The following CERS1 variants were observed in gnomAD, a reference collection of about 807,000 sequenced individuals.
CERS1 encodes the protein ceramide synthase 1.
Under a neutral mutation model 35.7 loss-of-function variants are expected in CERS1, and 16 were observed. The observed-to-expected ratio is 0.45, with a 90% confidence interval of 0.30 to 0.68. The LOEUF is 0.68. Ranked by LOEUF, CERS1 falls within the 30% of genes least tolerant of loss-of-function variation. The probability of loss-of-function intolerance (pLI) is 0.08; values close to 1 mark genes in which losing one functional copy is unlikely to be tolerated. For synonymous variants in CERS1, 243 were observed against 201.6 expected, an observed-to-expected ratio of 1.21 and a Z score of -1.74; for missense variants, 454 against 453.9, an observed-to-expected ratio of 1.00 and a Z score of 0.00.
Position 18,878,425 on chromosome 19 carries a change from A to G in CERS1, c.1010+505T>C. 3.0e-6 allele frequency: 3 copies of G among 989,718 alleles called. No homozygotes were observed. Among genetic ancestry groups the G allele is most frequent in the Non-Finnish European group, 3.6e-6 (3 of 832,426 alleles). The allele number at this position is 989,718 out of a possible 1,614,324, so 61.3% of individuals were successfully genotyped here. The stretch of plus-strand genomic sequence containing the variant: ...GGACTGAGTCTGAGCTCCCAGCCCC[A>G]GCTCCTGTTTGGCCGGGCAGTGGGC... On this transcript the variant is annotated intron_variant, in intron 6 of 7. Transcript: ENST00000623882. The surrounding 1 kb of genome is among the most constrained non-coding windows in gnomAD (Gnocchi z 4.6).
chr19:18,875,900 G>A (rs1000815859), intron 6 of CERS1, among the ~76,000 whole-genome samples: 5 of 152,190 alleles, frequency 3.3e-5, no homozygotes, highest in Admixed American at 6.5e-5. Context: ...GGGGATCCTC[G>A]CTTAGAGTTC....
chr19:18,871,203 G>A (rs554277028), intron 6 of CERS1, among the ~76,000 whole-genome samples: 1 of 150,630 alleles, frequency 6.6e-6, no homozygotes, highest in African/African-American at 2.4e-5. Context: ...GATTACAGGG[G>A]CACGCCACCA....
chr19:18,879,244 G>T lies in CERS1; in HGVS notation c.897C>A (p.Phe299Leu). ...AGGAGAGCCGGGGCCGACTCACCAG[G>T]AACCAGTAGAGGTTCATAAGGGTGA... ...LLLTLMNLYWFLYIVAFAAKV... is the reference protein window; with the variant it reads ...LLLTLMNLYWLLYIVAFAAKV... Residue 299 changes from phenylalanine (F) to leucine (L), a missense_variant, in exon 5 of 8, where the codon TTC becomes TTA. Physicochemically the swap from Phe to Leu is conservative, Grantham distance 22. Transcript: ENST00000623882. The T allele has an allele frequency of 6.2e-7, 1 of 1,613,656 alleles. No individual in the cohort carries two copies. The highest frequency in any genetic ancestry group is 8.5e-7 in the Non-Finnish European group (1 of 1,179,798).
At chr19:18,884,859 G>A (rs879595976) in intron 2 of CERS1, among the ~76,000 whole-genome samples, 3 of 150,984 alleles carry the variant, frequency 2.0e-5, no homozygotes, top group Admixed American at 6.6e-5. Flanking sequence ...GATTACAGGC[G>A]CTGGACACCA....
rs1465323314 is a variant in CERS1 at position 18,870,494 on chromosome 19, G to C, written c.*83C>G. 6 of 564,360 alleles carry C rather than the reference G, an allele frequency of 1.1e-5. No homozygotes were observed. Among genetic ancestry groups the C allele is most frequent in the East Asian group, 9.9e-5 (3 of 30,412 alleles). 35.0% of individuals were successfully genotyped at this position (564,360 alleles called of 1,614,324 possible). ...CGGCCCTAGAGGAGCAGAGTTGGAG[G>C]GGGTGGAGGGGCGGCCAAGGACGGG... On this transcript the variant is annotated 3_prime_UTR_variant, in exon 7 of 8. Transcript: ENST00000623882. The surrounding 1 kb of genome is among the most constrained non-coding windows in gnomAD (Gnocchi z 5.1).
intron 7 of CERS1, among the ~76,000 whole-genome samples, chr19:18,869,663 G>A (rs983399039): frequency 2.1e-5 from 3 of 140,594 alleles, no homozygotes; most frequent in Non-Finnish European, 4.6e-5. Flanking sequence ...CAGAACCTGG[G>A]CCCCTGGGGA....
rs769796711 is a variant in CERS1 at position 18,870,218 on chromosome 19, G to A, written c.*359C>T. 16 of 1,554,628 alleles carry A rather than the reference G, an allele frequency of 1.0e-5. No individual in the cohort carries two copies. The African/African-American group carries it at 2.2e-4, about 21-fold the overall frequency. On this transcript the variant is annotated 3_prime_UTR_variant, in exon 7 of 8. Transcript: ENST00000623882. This position sits in a 1 kb window ranked among gnomAD's most constrained non-coding sequence, Gnocchi z 5.1. Reference sequence around the variant, plus strand: ...GGGCGGCGGCTGGGCCTGGGGGCACGGGGGCGCGGGTCAGGGGCAGCGAGG... The same window carrying A: ...GGGCGGCGGCTGGGCCTGGGGGCACAGGGGCGCGGGTCAGGGGCAGCGAGG...
intron 2 of CERS1, among the ~76,000 whole-genome samples, chr19:18,887,125 T>C (rs1368830113): frequency 6.6e-6 from 1 of 152,114 alleles, no homozygotes; most frequent in Non-Finnish European, 1.5e-5. Flanking sequence ...AGTGGATGGA[T>C]GAAGAATAGA....
intron 2 of CERS1, among the ~76,000 whole-genome samples, 175 bp from the exon 3 acceptor site, chr19:18,884,442 G>A (rs1416489558): frequency 2.0e-5 from 3 of 150,792 alleles, no homozygotes; most frequent in Admixed American, 6.6e-5. Flanking sequence ...TCTTTGAGAC[G>A]GAGTCTCCCT....
chr19:18,890,156 C>T (rs753475832), intron 2 of CERS1, among the ~76,000 whole-genome samples: 3 of 152,234 alleles, frequency 2.0e-5, no homozygotes, highest in Non-Finnish European at 2.9e-5. Context: ...GGACAGCAGT[C>T]CCTGCCTCTC....
Position 18,870,652 on chromosome 19 carries a change from G to GAGCCCCACGCGGCCGCCTGGC in CERS1, c.1011-54_1011-34dup. 1.9e-6 allele frequency: 1 copy of GAGCCCCACGCGGCCGCCTGGC among 527,792 alleles called. No individual in the cohort carries two copies. Among genetic ancestry groups the GAGCCCCACGCGGCCGCCTGGC allele is most frequent in the Non-Finnish European group, 3.4e-6 (1 of 291,548 alleles). The allele number at this position is 527,792 out of a possible 1,614,324, so 32.7% of individuals were successfully genotyped here. A position where few individuals can be genotyped will look rare whatever the true frequency, so the allele number is the denominator to read the frequency against. On this transcript the variant is annotated intron_variant, in intron 6 of 7. Coordinates refer to ENST00000623882, the MANE Select transcript of CERS1 (RefSeq NM_021267.5). The surrounding 1 kb of genome is among the most constrained non-coding windows in gnomAD (Gnocchi z 5.1). Reference sequence around the variant, plus strand: ...TCAGAACCGGCGCAGGTTAGCCTGGGAGCCCCACGCGGCCGCCTGGCCCTC... The same window carrying GAGCCCCACGCGGCCGCCTGGC: ...TCAGAACCGGCGCAGGTTAGCCTGGGAGCCCCACGCGGCCGCCTGGCAGCCCCACGCGGCCGCCTGGCCCTC...
Position 18,895,140 on chromosome 19 carries a change from C to G in CERS1, c.249+684G>C, listed in dbSNP as rs536167088. On this transcript the variant is annotated intron_variant, in intron 1 of 7. Transcript: ENST00000623882. The surrounding 1 kb of genome is among the most constrained non-coding windows in gnomAD (Gnocchi z 6.4). The stretch of plus-strand genomic sequence containing the variant: ...CCGGGCCATGTCACCTCCAAGGGAG[C>G]GACCACTGGCGTGGCCAGAGCACCC... Among the ~76,000 whole-genome samples, 1 of 152,378 alleles carries G rather than the reference C, an allele frequency of 6.6e-6. No individual in the cohort carries two copies. Among genetic ancestry groups the G allele is most frequent in the South Asian group, 2.1e-4 (1 of 4,834 alleles).
chr19:18,885,146 T>G (rs2056318191), intron 2 of CERS1, among the ~76,000 whole-genome samples: 1 of 152,182 alleles, frequency 6.6e-6, no homozygotes, highest in Non-Finnish European at 1.5e-5. Flanking sequence ...AAGTGGTATA[T>G]TTGCTACAAA....
intron 2 of CERS1, among the ~76,000 whole-genome samples, chr19:18,888,784 C>T (rs1033749305): frequency 5.9e-5 from 9 of 151,404 alleles, no homozygotes; most frequent in African/African-American, 2.2e-4. Context: ...GAGCCAAGAT[C>T]GTGGCATTGT....
intron 2 of CERS1, among the ~76,000 whole-genome samples, chr19:18,886,380 T>A (rs2056361191): frequency 6.6e-6 from 1 of 152,000 alleles, no homozygotes. Flanking sequence ...AAACCCCGTC[T>A]CTACTAAAAA....
chr19:18,895,204 C>T lies in CERS1; in HGVS notation c.249+620G>A, dbSNP rs113661269. Among the ~76,000 whole-genome samples the T allele has an allele frequency of 5.9e-5, 9 of 152,358 alleles. No individual in the cohort carries two copies. The highest frequency in any genetic ancestry group is 2.2e-4 in the African/African-American group (9 of 41,590). On this transcript the variant is annotated intron_variant, in intron 1 of 7. Coordinates refer to ENST00000623882, the MANE Select transcript of CERS1 (RefSeq NM_021267.5). This position sits in a 1 kb window ranked among gnomAD's most constrained non-coding sequence, Gnocchi z 6.4. ...CCCTGGTCGGAGGGTGGCGCTGACC[C>T]CAGATAGGCACAAGGCAGCGACCGG...
chr19:18,882,364 G>T (rs2056232689), intron 3 of CERS1, among the ~76,000 whole-genome samples: 1 of 151,810 alleles, frequency 6.6e-6, no homozygotes, highest in African/African-American at 2.4e-5. Flanking sequence ...CAGACGTGGT[G>T]GCTCACACCT....
At position 18,870,639 on chromosome 19, in the gene CERS1, C is replaced by T. The variant is rs1319733548; in HGVS notation, c.1011-20G>A. The T allele has an allele frequency of 5.5e-6, 3 of 549,160 alleles. No homozygotes were observed. Among genetic ancestry groups the T allele is most frequent in the Non-Finnish European group, 9.9e-6 (3 of 303,586 alleles). The allele number at this position is 549,160 out of a possible 1,614,324, so 34.0% of individuals were successfully genotyped here. A position where few individuals can be genotyped will look rare whatever the true frequency, so the allele number is the denominator to read the frequency against. ...GGCTTCCTGGGGGTCAGAACCGGCG[C>T]AGGTTAGCCTGGGAGCCCCACGCGG... On this transcript the variant is annotated intron_variant, in intron 6 of 7. Transcript: ENST00000623882. The surrounding 1 kb of genome is among the most constrained non-coding windows in gnomAD (Gnocchi z 5.1).
chr19:18,884,360 C>T, intron 2 of CERS1, 93 bp from the exon 3 acceptor site: 1 of 1,168,610 alleles, frequency 8.6e-7, no homozygotes, highest in Non-Finnish European at 1.2e-6. Context: ...CACACGTGTC[C>T]TCCCAGTACC....
Sources: allele counts gnomAD v4.1 joint callset (sites outside exome capture counted in the v4.1 genomes callset), GRCh38; gene constraint gnomAD v4.1.1; non-coding constraint Gnocchi (gnomAD v3.1); transcripts MANE v1.5; gene names NCBI Gene and HGNC (gene_info 2026-07-23, HGNC 2026-07-21).